Variants in CDAN1 observed in about 807,000 individuals in gnomAD.
The protein encoded by CDAN1 is codanin-1.
A neutral mutation model predicts 139.8 loss-of-function variants in CDAN1; 107 were observed. The ratio of observed to expected loss-of-function variants is 0.77; its 90% CI spans 0.65 to 0.90. The LOEUF is 0.90. Ranked by LOEUF, CDAN1 falls within the 40% of genes least tolerant of loss-of-function variation. The pLI, the probability that CDAN1 is intolerant of heterozygous loss-of-function variation, is 0.00. For missense variants in CDAN1, 1,667 were observed against 1,575.7 expected, an observed-to-expected ratio of 1.06 and a Z score of -0.98; for synonymous variants, 776 against 660.6, an observed-to-expected ratio of 1.17 and a Z score of -2.68.
chr15:42,735,160 A>G lies in CDAN1; in HGVS notation c.1076T>C (p.Leu359Pro), dbSNP rs2061670346. ...GACACAATCGTGGATGCTTTGGAAC[A>G]GTGGACTTTCCAGGGAATCTAGAAG... is the stretch of plus-strand genomic sequence containing the variant. The part of the protein sequence containing the change: ...PAVLDSLESP[L>P]FQSIHDCVFF... Residue 359 changes from leucine (L) to proline (P), a missense_variant, in exon 6 of 28, where the codon CTG becomes CCG. By Grantham distance (98) the Leu-to-Pro change is moderately conservative (BLOSUM62 -3). Around this residue, in one of 3 missense-constraint regions of CDAN1, gnomAD observed 244 missense variants for 309.4 expected, o/e 0.79. Transcript: ENST00000356231. 6.2e-7 allele frequency: 1 copy of G among 1,613,748 alleles called. No individual in the cohort carries two copies. The highest frequency in any genetic ancestry group is 2.2e-5 in the East Asian group (1 of 44,894).
Position 42,724,165 on chromosome 15 carries a change from G to C in CDAN1, c.*326C>G. Reference sequence around the variant, plus strand: ...ACTACAAAGTTTTAAGAGATGCTGGGATAGCAAATGAGGCTTGAATTCTGT... The same window carrying C: ...ACTACAAAGTTTTAAGAGATGCTGGCATAGCAAATGAGGCTTGAATTCTGT... On this transcript the variant is annotated 3_prime_UTR_variant, in exon 28 of 28. Transcript: ENST00000356231. The C allele has an allele frequency of 8.1e-6, 3 of 368,222 alleles. No homozygotes were observed. The highest frequency in any genetic ancestry group is 7.0e-5 in the South Asian group (3 of 42,760). The allele number at this position is 368,222 out of a possible 1,614,324, so 22.8% of individuals were successfully genotyped here. A position where few individuals can be genotyped will look rare whatever the true frequency, so the allele number is the denominator to read the frequency against.
At position 42,724,352 on chromosome 15, in the gene CDAN1, C is replaced by T. The variant is rs1048768683; in HGVS notation, c.*139G>A. 1.7e-6 allele frequency: 2 copies of T among 1,163,826 alleles called. No homozygotes were observed. 72.1% of individuals were successfully genotyped at this position (1,163,826 alleles called of 1,614,324 possible). ...CGCGTGGTGGGATGCCAGGCAGTGA[C>T]ACCCTTAGAGCAGGAAGTCTGACTG... On this transcript the variant is annotated 3_prime_UTR_variant, in exon 28 of 28. Coordinates refer to ENST00000356231, the MANE Select transcript of CDAN1 (RefSeq NM_138477.4).
At position 42,729,286 on chromosome 15, in the gene CDAN1, G is replaced by A. The variant is rs1196135371; in HGVS notation, c.2484C>T (p.Thr828=). 2 of 1,613,932 alleles carry A rather than the reference G, an allele frequency of 1.2e-6. No homozygotes were observed. Among genetic ancestry groups the A allele is most frequent in the Non-Finnish European group, 1.7e-6 (2 of 1,179,958 alleles). ...GRSGGFMRKI[T]PTTTTSLGAQ... Reference sequence around the variant, plus strand: ...CTCCCAGGCTGGTGGTAGTGGTGGGGGTGATTTTCCTCATGAAGCCCCCAC... The same window carrying A: ...CTCCCAGGCTGGTGGTAGTGGTGGGAGTGATTTTCCTCATGAAGCCCCCAC... The change falls in exon 18 of 28, where the codon ACC becomes ACT. Residue 828 remains threonine (T), a synonymous_variant. Transcript: ENST00000356231.
intron 14 of CDAN1, 62 bp from the exon 15 acceptor site, chr15:42,730,277 G>A (rs1275204957): frequency 1.9e-5 from 27 of 1,442,452 alleles, no homozygotes; most frequent in Admixed American, 5.0e-5. Flanking sequence ...GGAGGCAAAC[G>A]CCATCAGTGG....
chr15:42,726,190 C>A (rs752400883), intron 24 of CDAN1, 30 bp from the exon 25 acceptor site: 1 of 1,612,216 alleles, frequency 6.2e-7, no homozygotes, highest in South Asian at 1.1e-5. Context: ...GAAAGAGAGA[C>A]CATAGGTATC....
chr15:42,729,218 C>T lies in CDAN1; in HGVS notation c.2541+11G>A. 1 of 1,613,966 alleles carries T rather than the reference C, an allele frequency of 6.2e-7. No individual in the cohort carries two copies. Among genetic ancestry groups the T allele is most frequent in the Non-Finnish European group, 8.5e-7 (1 of 1,179,940 alleles). ...TCATTTTCCCCACGGCTGTCTCCGC[C>T]CTGCCCTTACCTGCAGCCCCTGGCT... On this transcript the variant is annotated intron_variant, in intron 18 of 27. Transcript: ENST00000356231.
chr15:42,729,400 C>A (rs750476054), intron 17 of CDAN1, 38 bp from the exon 18 acceptor site: 1 of 1,613,480 alleles, frequency 6.2e-7, no homozygotes, highest in East Asian at 2.2e-5. Flanking sequence ...TTCCAGAACC[C>A]TCTCCCCTCC....
At position 42,734,014 on chromosome 15, in the gene CDAN1, C is replaced by T. The variant is rs749588992; in HGVS notation, c.1291G>A (p.Val431Ile). 2 of 1,613,996 alleles carry T rather than the reference C, an allele frequency of 1.2e-6. No individual in the cohort carries two copies. Among genetic ancestry groups the T allele is most frequent in the African/African-American group, 1.3e-5 (1 of 74,908 alleles). Residue 431 changes from valine (V) to isoleucine (I), a missense_variant, in exon 8 of 28, where the codon GTC (valine) becomes ATC (isoleucine). Val to Ile is a conservative substitution (Grantham distance 29). Coordinates refer to ENST00000356231, the MANE Select transcript of CDAN1 (RefSeq NM_138477.4). ...SLVMPPSTQA[V>I]SFQPETDNRA... ...TTGTCAGTCTCTGGCTGAAAGGAGA[C>T]AGCTTGAGTAGAGGGAGGCATCACC...
At chr15:42,732,281 G>A in intron 10 of CDAN1, 52 bp downstream of exon 10, 1 of 1,531,104 alleles carries the variant, frequency 6.5e-7, no homozygotes, top group South Asian at 1.1e-5. Flanking sequence ...TTAAGTGGCT[G>A]CCTGTGATGC....
At position 42,734,350 on chromosome 15, in the gene CDAN1, C is replaced by T; in HGVS notation, c.1137-4G>A. 1.2e-6 allele frequency: 2 copies of T among 1,614,046 alleles called. No homozygotes were observed. The highest frequency in any genetic ancestry group is 1.7e-6 in the Non-Finnish European group (2 of 1,180,024). On this transcript the variant is annotated splice_region_variant and splice_polypyrimidine_tract_variant and intron_variant, in intron 6 of 27. Transcript: ENST00000356231. Reference sequence around the variant, plus strand: ...TTTGTCCAGGTTGGAAAGAACCCTGCAGGGACAAGAGCACCTATGACTGAG... The same window carrying T: ...TTTGTCCAGGTTGGAAAGAACCCTGTAGGGACAAGAGCACCTATGACTGAG...
intron 17 of CDAN1, 49 bp downstream of exon 17, chr15:42,729,519 A>C: frequency 6.2e-7 from 1 of 1,612,214 alleles, no homozygotes; most frequent in Non-Finnish European, 8.5e-7. Context: ...CCTTTTGGGT[A>C]CTCATGGAGG....
At chr15:42,736,980 G>T in intron 1 of CDAN1, 33 bp downstream of exon 1, 1 of 1,532,634 alleles carries the variant, frequency 6.5e-7, no homozygotes. Flanking sequence ...AACCGGCTTC[G>T]AGTCAGACCT....
At chr15:42,735,786 T>TCCC in intron 3 of CDAN1, 89 bp downstream of exon 3, 1 of 1,587,622 alleles carries the variant, frequency 6.3e-7, no homozygotes, top group Admixed American at 1.7e-5. Context: ...AAACCCAGAG[T>TCCC]CCCCAAGAGG....
At chr15:42,730,384 C>G (rs978640410) in intron 14 of CDAN1, among the ~76,000 whole-genome samples, 169 bp from the exon 15 acceptor site, 5 of 152,210 alleles carry the variant, frequency 3.3e-5, no homozygotes, top group African/African-American at 1.2e-4. Flanking sequence ...TGTCTCTCAG[C>G]GGGGCCACCT....
At position 42,728,231 on chromosome 15, in the gene CDAN1, C is replaced by G; in HGVS notation, c.2841G>C (p.Ala947=). The change falls in exon 21 of 28, where the codon GCG becomes GCC. Residue 947 remains alanine (A), a synonymous_variant. Transcript: ENST00000356231. ...CTGCCGGGGTCTCCTCTGGAAGCAGCGCCCGCACAGCCCCAGGGCTCTTCC... is the reference window on the plus strand; with the variant it reads ...CTGCCGGGGTCTCCTCTGGAAGCAGGGCCCGCACAGCCCCAGGGCTCTTCC... ...CQRKSPGAVR[A]LLPEETPAAV... 6.2e-7 allele frequency: 1 copy of G among 1,613,874 alleles called. No homozygotes were observed. Among genetic ancestry groups the G allele is most frequent in the Non-Finnish European group, 8.5e-7 (1 of 1,180,000 alleles).
chr15:42,729,524 T>C, intron 17 of CDAN1, 44 bp downstream of exon 17: 4 of 1,613,258 alleles, frequency 2.5e-6, no homozygotes, highest in East Asian at 2.2e-5. Context: ...TGGGTACTCA[T>C]GGAGGGACAG....
rs1430895627 is a variant in CDAN1, at chr15:42,725,642, G to T, written c.3297C>A (p.Pro1099=). The part of the protein sequence containing the change: ...LVADQIPILG[P]PAQYRLERGQ... ...CTCTCTCCAGCCTGTACTGTGCCGG[G>T]GGCCCTAGGATAGGAATTTGATCTG... The change falls in exon 26 of 28, where the codon CCC becomes CCA. Residue 1099 remains proline (P), a synonymous_variant. Coordinates refer to ENST00000356231, the MANE Select transcript of CDAN1 (RefSeq NM_138477.4). The T allele has an allele frequency of 8.7e-6, 14 of 1,613,924 alleles. No individual in the cohort carries two copies. The highest frequency in any genetic ancestry group is 1.1e-5 in the Non-Finnish European group (13 of 1,180,024).
rs751595971 is a variant in CDAN1, at chr15:42,735,557, C to G, written c.896G>C (p.Arg299Pro). 1 of 1,614,202 alleles carries G rather than the reference C, an allele frequency of 6.2e-7. No individual in the cohort carries two copies. Among genetic ancestry groups the G allele is most frequent in the East Asian group, 2.2e-5 (1 of 44,886 alleles). The change falls in exon 4 of 28, where the codon CGC (arginine) becomes CCC (proline). Residue 299 changes from arginine to proline, a missense_variant. Physicochemically the swap from Arg to Pro is moderately radical, Grantham distance 103. Transcript: ENST00000356231. ...EPADPARVSS[R>P]QRLELVALVY... is the part of the protein sequence containing the mutation. ...AAGGGCTACAAGCTCCAGGCGCTGG[C>G]GGGAAGACACTCTGGCAGGGTCTGC...
intron 10 of CDAN1, among the ~76,000 whole-genome samples, chr15:42,732,085 C>T (rs2061620583): frequency 6.6e-6 from 1 of 152,192 alleles, no homozygotes; most frequent in East Asian, 1.9e-4. Flanking sequence ...GGGCTCTTTA[C>T]CACAGCACAA....
Sources: allele counts gnomAD v4.1 joint callset (sites outside exome capture counted in the v4.1 genomes callset), GRCh38; gene constraint gnomAD v4.1.1; regional missense constraint gnomAD v4.1.1; transcripts MANE v1.5; gene names NCBI Gene and HGNC (gene_info 2026-07-23, HGNC 2026-07-21).